Variants in KCNQ3 observed in about 807,000 individuals in gnomAD.
KCNQ3 encodes potassium voltage-gated channel subfamily Q member 3.
In KCNQ3, 30 loss-of-function variants were observed where a neutral mutation model predicts 92.5. That is an observed-to-expected ratio of 0.32 (90% CI 0.24 to 0.44). KCNQ3 has a LOEUF of 0.44. KCNQ3 is among the 20% of genes least tolerant of loss of function. The probability of loss-of-function intolerance (pLI) is 1.00; values close to 1 mark genes in which losing one functional copy is unlikely to be tolerated. For missense variants in KCNQ3, 913 were observed against 1,140.3 expected (o/e 0.80, Z 2.87); for synonymous variants, 450 against 468.8 (o/e 0.96, Z 0.52).
chr8:132,171,252 T>A (rs1286160887), intron 7 of KCNQ3, among the ~76,000 whole-genome samples: 1 of 152,002 alleles, frequency 6.6e-6, no homozygotes, highest in East Asian at 1.9e-4. Flanking sequence ...TCTTGGAAAC[T>A]GGGACAGGCC....
chr8:132,479,981 CA>C (rs1278205060), intron 1 of KCNQ3, among the ~76,000 whole-genome samples, 165 bp downstream of exon 1: 3 of 151,904 alleles, frequency 2.0e-5, no homozygotes, highest in African/African-American at 7.3e-5. Context: ...CACACACACA[CA>C]CACACACACA....
intron 1 of KCNQ3, among the ~76,000 whole-genome samples, chr8:132,369,161 T>C (rs1819403786): frequency 1.3e-5 from 2 of 152,204 alleles, no homozygotes; most frequent in African/African-American, 2.4e-5. Flanking sequence ...CATTACATCA[T>C]ATCAAGAGTA....
In KCNQ3 at chr8:132,441,604, A is replaced by T. The variant is rs1055547474; in HGVS notation, c.386+38543T>A. Among the ~76,000 whole-genome samples, 22 of 146,738 alleles carry T rather than the reference A, an allele frequency of 1.5e-4. 1 individual carries two copies. The East Asian group carries it at 1.6e-3, about 11-fold the overall frequency. Reference sequence around the variant, plus strand: ...AACAAAACAAACAAACAAACAAACAAATATATATATATATATTCCTTTGGG... The same window carrying T: ...AACAAAACAAACAAACAAACAAACATATATATATATATATATTCCTTTGGG... On this transcript the variant is annotated intron_variant, in intron 1 of 14. Coordinates refer to ENST00000388996, the MANE Select transcript of KCNQ3 (RefSeq NM_004519.4).
intron 1 of KCNQ3, among the ~76,000 whole-genome samples, chr8:132,214,728 C>G (rs544200848): frequency 2.6e-5 from 4 of 152,360 alleles, no homozygotes; most frequent in African/African-American, 9.6e-5. Flanking sequence ...TTCATTAACT[C>G]TCCCCTACAA....
Position 132,205,785 on chromosome 8 carries a change from G to A in KCNQ3, c.387-19604C>T, listed in dbSNP as rs576583440. On this transcript the variant is annotated intron_variant, in intron 1 of 14. Coordinates refer to ENST00000388996, the MANE Select transcript of KCNQ3 (RefSeq NM_004519.4). ...TGTAGGTGGAGATATTCAATAGATT[G>A]GTTCAATGACAGTCTTGCTGTGACT... Among the ~76,000 whole-genome samples the A allele has an allele frequency of 8.5e-5, 13 of 152,288 alleles. No individual in the cohort carries two copies. The East Asian group carries it at 2.5e-3, about 29-fold the overall frequency.
intron 6 of KCNQ3, among the ~76,000 whole-genome samples, chr8:132,173,636 T>G (rs1213191357): frequency 6.6e-6 from 1 of 152,062 alleles, no homozygotes; most frequent in Non-Finnish European, 1.5e-5. Flanking sequence ...TTAAATGAGA[T>G]GATGTGGGTA....
intron 11 of KCNQ3, among the ~76,000 whole-genome samples, chr8:132,138,565 C>T (rs1825181093): frequency 6.6e-6 from 1 of 152,114 alleles, no homozygotes; most frequent in South Asian, 2.1e-4. Flanking sequence ...GTTTCTGTTC[C>T]CTGAGTTTTC....
chr8:132,324,076 TCTTC>T (rs1817972086), intron 1 of KCNQ3, among the ~76,000 whole-genome samples: 1 of 152,168 alleles, frequency 6.6e-6, no homozygotes. Flanking sequence ...ATATCTTAGT[TCTTC>T]ATGCTGTTCC....
rs189681371 is a variant in KCNQ3 at position 132,456,954 on chromosome 8, T to C, written c.386+23193A>G. Among the ~76,000 whole-genome samples the C allele has an allele frequency of 1.6e-4, 25 of 152,338 alleles. No homozygotes were observed. In the East Asian group the frequency reaches 4.8e-3, roughly 29 times the overall value. ...TAAAAAACTACTGTGAACTACACAC[T>C]AACCCCACAAGTGCAATCCATTCTG... On this transcript the variant is annotated intron_variant, in intron 1 of 14. Coordinates refer to ENST00000388996, the MANE Select transcript of KCNQ3 (RefSeq NM_004519.4).
intron 1 of KCNQ3, among the ~76,000 whole-genome samples, chr8:132,477,284 T>C (rs1822435821): frequency 1.3e-5 from 2 of 151,966 alleles, no homozygotes; most frequent in Non-Finnish European, 2.9e-5. Context: ...TTTCCATATT[T>C]CCTGTATTCT....
intron 1 of KCNQ3, among the ~76,000 whole-genome samples, chr8:132,427,407 G>A (rs1273012379): frequency 6.6e-6 from 1 of 152,200 alleles, no homozygotes; most frequent in Non-Finnish European, 1.5e-5. Flanking sequence ...TCACATCATG[G>A]TGAGGGACCT....
rs188636442 is a variant in KCNQ3, at chr8:132,210,879, T to C, written c.387-24698A>G. Among the ~76,000 whole-genome samples the C allele has an allele frequency of 4.6e-5, 7 of 152,354 alleles. No homozygotes were observed. The East Asian group carries it at 9.6e-4, about 21-fold the overall frequency. ...ATCTGGAAAGTTAGTATCTACATCA[T>C]GGGGTGGTTGTAAAAATTCAACAAG... is the stretch of plus-strand genomic sequence containing the variant. On this transcript the variant is annotated intron_variant, in intron 1 of 14. Transcript: ENST00000388996.
At chr8:132,398,071 AT>A (rs1820238888) in intron 1 of KCNQ3, among the ~76,000 whole-genome samples, 1 of 152,224 alleles carries the variant, frequency 6.6e-6, no homozygotes, top group African/African-American at 2.4e-5. Flanking sequence ...AACACTGAGA[AT>A]TACAACTCCA....
At chr8:132,371,119 T>C (rs1416477311) in intron 1 of KCNQ3, among the ~76,000 whole-genome samples, 1 of 152,196 alleles carries the variant, frequency 6.6e-6, no homozygotes, top group Non-Finnish European at 1.5e-5. Context: ...CACAAAAAGA[T>C]TGGTGTGGAC....
At chr8:132,284,160 G>A (rs1429622248) in intron 1 of KCNQ3, among the ~76,000 whole-genome samples, 1 of 152,114 alleles carries the variant, frequency 6.6e-6, no homozygotes, top group Non-Finnish European at 1.5e-5. Context: ...TTGTGCACAT[G>A]TGCCCTAAAA....
intron 1 of KCNQ3, among the ~76,000 whole-genome samples, chr8:132,434,129 A>T (rs960108437): frequency 1.4e-5 from 2 of 147,856 alleles, no homozygotes; most frequent in African/African-American, 2.5e-5. Flanking sequence ...AATGGCGTGA[A>T]CCCGGGAGGC....
chr8:132,338,787 G>A (rs2130679368), intron 1 of KCNQ3, among the ~76,000 whole-genome samples: 1 of 152,318 alleles, frequency 6.6e-6, no homozygotes, highest in Non-Finnish European at 1.5e-5. Context: ...GCAGGAAACT[G>A]GTCTTCCCAG....
intron 1 of KCNQ3, among the ~76,000 whole-genome samples, chr8:132,329,089 G>T (rs1818152680): frequency 6.6e-6 from 1 of 152,192 alleles, no homozygotes; most frequent in African/African-American, 2.4e-5. Flanking sequence ...CAAGAACATT[G>T]CCCTTATGGA....
intron 10 of KCNQ3, 97 bp downstream of exon 10, chr8:132,141,032 A>G (rs551115955): frequency 9.6e-6 from 11 of 1,144,468 alleles, no homozygotes; most frequent in African/African-American, 4.5e-5. Context: ...TTGTGGAGTC[A>G]AAGGTTCTTA....
Sources: gnomAD v4.1 joint callset for allele counts (sites outside exome capture counted in the v4.1 genomes callset) on GRCh38, gnomAD v4.1.1 for gene constraint, MANE v1.5 for transcripts, NCBI Gene and HGNC (gene_info 2026-07-23, HGNC 2026-07-21) for gene names.